Variants in ZNF704 observed in about 807,000 individuals in gnomAD.
ZNF704 encodes zinc finger protein 704, also known as glucocorticoid induced gene 1.
Under a neutral mutation model 44.7 loss-of-function variants are expected in ZNF704, and 10 were observed. The observed-to-expected ratio is 0.22, with a 90% confidence interval of 0.14 to 0.38. ZNF704 has a LOEUF of 0.38. ZNF704 is among the 10% of genes least tolerant of loss of function. ZNF704 has a pLI of 1.00. For missense variants in ZNF704, 390 were observed against 545.5 expected, an observed-to-expected ratio of 0.71 and a Z score of 2.84; for synonymous variants, 211 against 207.6, an observed-to-expected ratio of 1.02 and a Z score of -0.14.
At chr8:80,742,135 G>T (rs965792143) in intron 2 of ZNF704, among the ~76,000 whole-genome samples, 8 of 152,128 alleles carry the variant, frequency 5.3e-5, no homozygotes, top group Admixed American at 1.3e-4. Flanking sequence ...CACTGCCGGG[G>T]TCATCAGAAA....
intron 2 of ZNF704, among the ~76,000 whole-genome samples, chr8:80,783,701 C>T (rs904897225): frequency 6.6e-6 from 1 of 151,898 alleles, no homozygotes; most frequent in South Asian, 2.1e-4. Context: ...CTGCCGACAT[C>T]GATCAACACA....
chr8:80,716,401 A>T (rs1240538838), intron 2 of ZNF704, among the ~76,000 whole-genome samples: 2 of 152,242 alleles, frequency 1.3e-5, no homozygotes, highest in Non-Finnish European at 2.9e-5. Context: ...AAATCAGGTC[A>T]CTTAAACAGA....
Position 80,664,909 on chromosome 8 carries a change from G to T in ZNF704, c.833C>A (p.Thr278Asn), listed in dbSNP as rs150965443. The T allele has an allele frequency of 1.2e-6, 2 of 1,614,198 alleles. No homozygotes were observed. Among genetic ancestry groups the T allele is most frequent in the East Asian group, 2.2e-5 (1 of 44,866 alleles). The change falls in exon 6 of 9, where the codon ACT (threonine) becomes AAT (asparagine). Residue 278 changes from threonine (T) to asparagine (N), a missense_variant. Thr to Asn is a moderately conservative substitution (Grantham distance 65). This residue lies in a region of ZNF704 where 305 missense variants were observed against 435.7 expected (regional missense o/e 0.70). Coordinates refer to ENST00000327835, the MANE Select transcript of ZNF704 (RefSeq NM_001033723.3). ...FPIPDSSRTE[T>N]PCAKTETKLM... is the part of the protein sequence containing the mutation. ...CTTAGTCTCCGTTTTGGCACAAGGA[G>T]TTTCTGTTCGGCTTGAATCTGGGAT...
chr8:80,649,977 C>T lies in ZNF704; in HGVS notation c.1033-6848G>A, dbSNP rs768286985. 7.2e-5 allele frequency among the ~76,000 whole-genome samples: 11 copies of T among 152,170 alleles called. 2 individuals carry two copies. Among genetic ancestry groups the T allele is most frequent in the Non-Finnish European group, 1.3e-4 (9 of 68,026 alleles). ...CTCTGAGACAAAACTTCCAGAGGAA[C>T]GATCAGGCAGCAACATTTGCTGTTC... On this transcript the variant is annotated intron_variant, in intron 7 of 8. Coordinates refer to ENST00000327835, the MANE Select transcript of ZNF704 (RefSeq NM_001033723.3).
chr8:80,686,669 A>C (rs1004299036), intron 4 of ZNF704, among the ~76,000 whole-genome samples: 3 of 152,100 alleles, frequency 2.0e-5, no homozygotes, highest in Non-Finnish European at 4.4e-5. Context: ...GTGGGACTAC[A>C]GGTGTGAGCC....
chr8:80,819,731 G>A lies in ZNF704; in HGVS notation c.221+1643C>T, dbSNP rs1387972588. Among the ~76,000 whole-genome samples the A allele has an allele frequency of 3.3e-5, 5 of 152,000 alleles. No individual in the cohort carries two copies. The East Asian group carries it at 5.8e-4, about 18-fold the overall frequency. ...TAAATAACTTAACATGTATTTATAC[G>A]AAAAACATTAGAAAAGCAAATAATT... On this transcript the variant is annotated intron_variant, in intron 2 of 8. Coordinates refer to ENST00000327835, the MANE Select transcript of ZNF704 (RefSeq NM_001033723.3).
chr8:80,811,571 T>C (rs59661342), intron 2 of ZNF704, among the ~76,000 whole-genome samples: 51,732 of 152,052 alleles, frequency 0.34, 10,368 homozygotes, highest in African/African-American at 0.56. Context: ...TTTATAACCC[T>C]CATACTGTAC....
intron 5 of ZNF704, among the ~76,000 whole-genome samples, chr8:80,667,173 G>T (rs1437978544): frequency 6.6e-6 from 1 of 152,150 alleles, no homozygotes; most frequent in Non-Finnish European, 1.5e-5. Flanking sequence ...TGGAGCTCGG[G>T]ACCCCAGGGA....
chr8:80,766,076 C>T (rs1360056876), intron 2 of ZNF704, among the ~76,000 whole-genome samples: 1 of 152,118 alleles, frequency 6.6e-6, no homozygotes, highest in African/African-American at 2.4e-5. Context: ...GGTAAATATA[C>T]TCTTTCCTTC....
At chr8:80,717,493 A>C (rs1033833118) in intron 2 of ZNF704, among the ~76,000 whole-genome samples, 5 of 152,240 alleles carry the variant, frequency 3.3e-5, no homozygotes, top group African/African-American at 1.2e-4. Context: ...TGGAAATAGT[A>C]ATACCTGCTT....
chr8:80,813,681 T>C (rs957534991), intron 2 of ZNF704, among the ~76,000 whole-genome samples: 1 of 152,006 alleles, frequency 6.6e-6, no homozygotes, highest in Non-Finnish European at 1.5e-5. Context: ...ATCGAGACCA[T>C]GCTGTCTTAA....
intron 2 of ZNF704, among the ~76,000 whole-genome samples, chr8:80,727,726 C>CATAATATTT (rs1439587312): frequency 5.3e-5 from 8 of 152,144 alleles, no homozygotes; most frequent in Admixed American, 5.2e-4. Flanking sequence ...ATTAGGATGA[C>CATAATATTT]ATAATATTTC....
At chr8:80,774,199 G>T (rs1182017065) in intron 2 of ZNF704, among the ~76,000 whole-genome samples, 1 of 152,014 alleles carries the variant, frequency 6.6e-6, no homozygotes, top group Non-Finnish European at 1.5e-5. Context: ...CAGTAGCTGG[G>T]ACTACAGGCA....
chr8:80,789,470 G>A (rs183720595), intron 2 of ZNF704, among the ~76,000 whole-genome samples: 1 of 152,158 alleles, frequency 6.6e-6, no homozygotes, highest in Non-Finnish European at 1.5e-5. Context: ...AAATAGGCTG[G>A]GTGTGGTGGC....
intron 2 of ZNF704, among the ~76,000 whole-genome samples, chr8:80,820,096 T>C (rs570028124): frequency 6.6e-6 from 1 of 152,350 alleles, no homozygotes; most frequent in South Asian, 2.1e-4. Context: ...GGCACCCATA[T>C]TACAAATAAG....
intron 2 of ZNF704, among the ~76,000 whole-genome samples, chr8:80,739,644 T>A (rs1486158813): frequency 6.6e-6 from 1 of 152,156 alleles, no homozygotes; most frequent in East Asian, 1.9e-4. Context: ...AGTTAGGAGA[T>A]TCCCAGCTCC....
chr8:80,773,562 C>T (rs1318318210), intron 2 of ZNF704, among the ~76,000 whole-genome samples: 2 of 152,170 alleles, frequency 1.3e-5, no homozygotes, highest in Non-Finnish European at 2.9e-5. Flanking sequence ...GCTCTTTCCT[C>T]TTTTCTGACA....
intron 2 of ZNF704, among the ~76,000 whole-genome samples, chr8:80,752,948 C>T (rs1449683386): frequency 6.6e-6 from 1 of 152,162 alleles, no homozygotes; most frequent in African/African-American, 2.4e-5. Context: ...CCCTGGTGAA[C>T]AAGTAAAAAG....
upstream of ZNF704, among the ~76,000 whole-genome samples, chr8:80,878,679 T>C (rs188664096): frequency 1.9e-3 from 283 of 152,350 alleles, 1 homozygote; most frequent in Non-Finnish European, 3.1e-3. Context: ...AACTCATCTA[T>C]TACAACCTTC....
Sources: allele counts gnomAD v4.1 joint callset (sites outside exome capture counted in the v4.1 genomes callset), GRCh38; gene constraint gnomAD v4.1.1; regional missense constraint gnomAD v4.1.1; transcripts MANE v1.5; gene names NCBI Gene and HGNC (gene_info 2026-07-23, HGNC 2026-07-21).